GLYATL1: variants seen among roughly 807,000 people sequenced by gnomAD.
GLYATL1 encodes the protein glycine N-acyltransferase-like protein 1.
In GLYATL1, 15 loss-of-function variants were observed where a neutral mutation model predicts 20.0. The observed-to-expected ratio is 0.75, with a 90% CI of 0.50 to 1.15. The LOEUF (loss-of-function observed/expected upper bound fraction) is 1.15. GLYATL1 is among the 50% of genes most tolerant of loss of function. The pLI is 0.00. For missense variants in GLYATL1, 380 were observed against 368.5 expected (o/e 1.03, Z -0.26); for synonymous variants, 151 against 131.5 (o/e 1.15, Z -1.01).
intron 1 of GLYATL1, among the ~76,000 whole-genome samples, chr11:58,916,778 A>G (rs1178299924): frequency 1.3e-5 from 2 of 152,250 alleles, no homozygotes; most frequent in Non-Finnish European, 2.9e-5. Context: ...AAAAGGTACA[A>G]ACAAAGCAAC....
upstream of GLYATL1, among the ~76,000 whole-genome samples, chr11:58,927,411 C>A (rs1855452880): frequency 1.3e-5 from 2 of 152,232 alleles, no homozygotes; most frequent in African/African-American, 2.4e-5. Flanking sequence ...CAGGCAGGTG[C>A]GTCCTGGGGC....
In GLYATL1 at chr11:58,955,622, C is replaced by T; in HGVS notation, c.504C>T (p.Asn168=). 1.9e-6 allele frequency: 3 copies of T among 1,613,502 alleles called. No individual in the cohort carries two copies. Among genetic ancestry groups the T allele is most frequent in the Non-Finnish European group, 2.5e-6 (3 of 1,179,548 alleles). Reference sequence around the variant, plus strand: ...TTGTTGTCTACAGTGAAACTCCCAACTTTAAGTATGCCCAGCTGGATGTCT... The same window carrying T: ...TTGTTGTCTACAGTGAAACTCCCAATTTTAAGTATGCCCAGCTGGATGTCT... ...PDDEFESETP[N]FKYAQLDVSY... is the part of the protein sequence containing the mutation. The change falls in exon 7 of 7, where the codon AAC becomes AAT. Residue 168 remains asparagine (N), a synonymous_variant. Transcript: ENST00000532726.
At chr11:58,939,790 T>G (rs1190282710) in intron 1 of GLYATL1, 140 bp downstream of exon 1, 1 of 152,206 alleles carries the variant, frequency 6.6e-6, no homozygotes, top group Non-Finnish European at 1.5e-5. Context: ...GTATGGACAT[T>G]CTTGGGGGCT....
chr11:58,956,299 G>A lies in GLYATL1; in HGVS notation c.*272G>A, dbSNP rs1282290581. ...AGTAAACATGTAACTAGAAAGCCAG[G>A]CTCAGTTCTTACCTCTGGGAATCAG... is the stretch of plus-strand genomic sequence containing the variant. On this transcript the variant is annotated 3_prime_UTR_variant, in exon 7 of 7. Coordinates refer to ENST00000532726, the MANE Select transcript of GLYATL1 (RefSeq NM_001389712.2). 4.0e-5 allele frequency: 17 copies of A among 422,988 alleles called. No individual in the cohort carries two copies. The highest frequency in any genetic ancestry group is 2.5e-5 in the Non-Finnish European group (6 of 237,762). The allele number at this position is 422,988 out of a possible 1,614,324, so 26.2% of individuals were successfully genotyped here. A position where few individuals can be genotyped will look rare whatever the true frequency, so the allele number is the denominator to read the frequency against.
chr11:58,947,847 C>T lies in GLYATL1; in HGVS notation c.79-11C>T, dbSNP rs747543973. The T allele has an allele frequency of 4.4e-6, 7 of 1,580,456 alleles. No individual in the cohort carries two copies. The highest frequency in any genetic ancestry group is 1.1e-5 in the South Asian group (1 of 90,362). ...CTCAACCTCTCCTGGTCCCTTTCAT[C>T]CCTCCTTCAGGTGTATGGCTCTGTG... On this transcript the variant is annotated splice_polypyrimidine_tract_variant and intron_variant, in intron 3 of 6. Transcript: ENST00000532726.
At chr11:58,945,287 C>A (rs1173003427) in intron 2 of GLYATL1, among the ~76,000 whole-genome samples, 1 of 152,024 alleles carries the variant, frequency 6.6e-6, no homozygotes, top group African/African-American at 2.4e-5. Context: ...AGGTTTTTAG[C>A]AGCTTCCTGA....
chr11:58,920,200 G>A (rs375037856), intron 1 of GLYATL1, among the ~76,000 whole-genome samples: 5 of 151,980 alleles, frequency 3.3e-5, no homozygotes, highest in Non-Finnish European at 5.9e-5. Context: ...ACCTGTTTCC[G>A]GGCCCATACA....
chr11:58,906,922 C>T (rs376037192), intron 1 of GLYATL1, among the ~76,000 whole-genome samples: 1 of 152,064 alleles, frequency 6.6e-6, no homozygotes. Context: ...ATAGCTACAC[C>T]CCGACATACT....
chr11:58,947,370 C>G, intron 3 of GLYATL1: 1 of 663,568 alleles, frequency 1.5e-6, no homozygotes, highest in Non-Finnish European at 2.5e-6. Context: ...GGTTTTGCCA[C>G]TCATTTGGAG....
At chr11:58,914,621 G>A (rs1855127019) in intron 1 of GLYATL1, among the ~76,000 whole-genome samples, 1 of 152,154 alleles carries the variant, frequency 6.6e-6, no homozygotes, top group South Asian at 2.1e-4. Flanking sequence ...TGATAATGAG[G>A]CAAAGGGTAA....
intron 2 of GLYATL1, among the ~76,000 whole-genome samples, chr11:58,945,047 G>GAATA (rs1554986760): frequency 1.3e-4 from 19 of 144,540 alleles, no homozygotes; most frequent in African/African-American, 4.5e-4. Context: ...ATATATAGGG[G>GAATA]TATATATATA....
chr11:58,947,452 A>G (rs1480935804), intron 3 of GLYATL1: 1 of 492,322 alleles, frequency 2.0e-6, no homozygotes, highest in East Asian at 3.3e-5. Flanking sequence ...CAAGGCTGCC[A>G]TTTTCTAGTC....
chr11:58,947,866 C>T lies in GLYATL1; in HGVS notation c.87C>T (p.Gly29=), dbSNP rs904749037. 6.2e-7 allele frequency: 1 copy of T among 1,610,886 alleles called. No individual in the cohort carries two copies. The highest frequency in any genetic ancestry group is 8.5e-7 in the Non-Finnish European group (1 of 1,177,204). ...RSIPESLKVY[G]SVYHINHGNP... The stretch of plus-strand genomic sequence containing the variant: ...TTTCATCCCTCCTTCAGGTGTATGG[C>T]TCTGTGTATCACATCAATCACGGGA... Residue 29 remains glycine, a synonymous_variant, in exon 4 of 7, where the codon GGC becomes GGT. Coordinates refer to ENST00000532726, the MANE Select transcript of GLYATL1 (RefSeq NM_001389712.2).
At chr11:58,946,844 A>G in intron 2 of GLYATL1, 1 of 615,336 alleles carries the variant, frequency 1.6e-6, no homozygotes, top group South Asian at 1.9e-5. Flanking sequence ...AGACAGTCAT[A>G]TATGGTTTCA....
chr11:58,947,287 G>C (rs914739222), intron 3 of GLYATL1, 122 bp downstream of exon 3: 2 of 1,334,342 alleles, frequency 1.5e-6, no homozygotes, highest in African/African-American at 3.0e-5. Flanking sequence ...AAACAGGATG[G>C]GACTGGGGGC....
exon 2 of GLYATL1, chr11:58,907,733 T>C (rs182133516): frequency 4.9e-6 from 1 of 202,630 alleles, no homozygotes; most frequent in Non-Finnish European, 1.0e-5. Flanking sequence ...GTGCCAAAAA[T>C]TTTTACATTC....
chr11:58,952,279 A>G (rs2135259684), intron 4 of GLYATL1, among the ~76,000 whole-genome samples: 1 of 152,306 alleles, frequency 6.6e-6, no homozygotes, highest in Non-Finnish European at 1.5e-5. Flanking sequence ...AATTTATTAC[A>G]CTAAAAGACC....
At position 58,955,072 on chromosome 11, in the gene GLYATL1, C is replaced by T; in HGVS notation, c.314-104C>T. 4 of 1,287,152 alleles carry T rather than the reference C, an allele frequency of 3.1e-6. No homozygotes were observed. The South Asian group carries it at 4.3e-5, about 14-fold the overall frequency. The allele number at this position is 1,287,152 out of a possible 1,614,324, so 79.7% of individuals were successfully genotyped here. On this transcript the variant is annotated intron_variant, in intron 5 of 6. Coordinates refer to ENST00000532726, the MANE Select transcript of GLYATL1 (RefSeq NM_001389712.2). Reference sequence around the variant, plus strand: ...GGACTCCATCTGACTGTGGTGTAAACTCAAGTTTGAGAACTACTAAGCACT... The same window carrying T: ...GGACTCCATCTGACTGTGGTGTAAATTCAAGTTTGAGAACTACTAAGCACT...
At chr11:58,935,012 G>C (rs1479214861), upstream of GLYATL1, 3 of 152,694 alleles carry the variant, frequency 2.0e-5, no homozygotes, top group Non-Finnish European at 4.4e-5. Flanking sequence ...ACACTGGCAT[G>C]GTGACTAGAG....
Sources: allele counts gnomAD v4.1 joint callset (sites outside exome capture counted in the v4.1 genomes callset), GRCh38; gene constraint gnomAD v4.1.1; transcripts MANE v1.5; gene names NCBI Gene and HGNC (gene_info 2026-07-23, HGNC 2026-07-21).